ITIH5: variants seen among roughly 807,000 people sequenced by gnomAD.
ITIH5 encodes the protein inter-alpha-trypsin inhibitor heavy chain 5.
ITIH5 carries 65 observed loss-of-function variants against 77.5 expected under a neutral mutation model. That is an observed-to-expected ratio of 0.84 (90% CI 0.69 to 1.03). The LOEUF is 1.03. Among genes scored for constraint, ITIH5 ranks in the 50% least tolerant of loss-of-function variants. The pLI is 0.00. For synonymous variants in ITIH5, 525 were observed against 494.3 expected, an observed-to-expected ratio of 1.06 and a Z score of -0.82; for missense variants, 1,208 against 1,213.1, an observed-to-expected ratio of 1.00 and a Z score of 0.06.
At chr10:7,600,405 C>T in intron 7 of ITIH5, 1 of 386,986 alleles carries the variant, frequency 2.6e-6, no homozygotes, top group Non-Finnish European at 5.1e-6. Context: ...TCAAAGTGAC[C>T]ACAACTGTCT....
At chr10:7,611,809 C>T (rs569491288) in intron 7 of ITIH5, among the ~76,000 whole-genome samples, 2 of 151,732 alleles carry the variant, frequency 1.3e-5, no homozygotes, top group Admixed American at 6.6e-5. Context: ...CTAAAGTTAC[C>T]GATTTTCCCC....
intron 5 of ITIH5, among the ~76,000 whole-genome samples, chr10:7,627,310 A>C (rs1187831241): frequency 7.6e-5 from 11 of 145,152 alleles, no homozygotes; most frequent in African/African-American, 2.8e-4. Context: ...AAAGAAAAAA[A>C]AGAAAATAAG....
chr10:7,660,337 G>A (rs1414523787), intron 1 of ITIH5, among the ~76,000 whole-genome samples: 2 of 152,160 alleles, frequency 1.3e-5, no homozygotes, highest in South Asian at 2.1e-4. Context: ...GTCTTGGAGT[G>A]GGATGAAAGG....
chr10:7,655,721 A>G, intron 1 of ITIH5, 46 bp from the exon 2 acceptor site: 6 of 1,430,968 alleles, frequency 4.2e-6, no homozygotes, highest in Non-Finnish European at 5.9e-6. Context: ...TTAAAAGAGA[A>G]GAGACATGAA....
rs187983802 is a variant in ITIH5, at chr10:7,603,203, C to A, written c.939+12779G>T. Reference sequence around the variant, plus strand: ...CGTGGTATATCCATCTAATGAAATACTATTCAGCAATAAAAAAGAATGAAG... The same window carrying A: ...CGTGGTATATCCATCTAATGAAATAATATTCAGCAATAAAAAAGAATGAAG... On this transcript the variant is annotated intron_variant, in intron 7 of 13. Transcript: ENST00000397146. Among the ~76,000 whole-genome samples the A allele has an allele frequency of 5.8e-3, 876 of 152,290 alleles. 6 individuals are homozygous for A. Among genetic ancestry groups the A allele is most frequent in the Middle Eastern group, 0.02 (6 of 294 alleles).
At chr10:7,653,331 C>T (rs1028765600) in intron 2 of ITIH5, among the ~76,000 whole-genome samples, 9 of 152,040 alleles carry the variant, frequency 5.9e-5, no homozygotes, top group Non-Finnish European at 7.4e-5. Flanking sequence ...CTCAGCCTCC[C>T]GAGTAGCTGG....
At chr10:7,659,610 C>CTGATTGATCTAAAGTATTT (rs1834243769) in intron 1 of ITIH5, among the ~76,000 whole-genome samples, 1 of 152,074 alleles carries the variant, frequency 6.6e-6, no homozygotes, top group African/African-American at 2.4e-5. Context: ...ATTAAGTTCC[C>CTGATTGATCTAAAGTATTT]TGATTGATCT....
chr10:7,582,192 A>G (rs1832579739), intron 8 of ITIH5, among the ~76,000 whole-genome samples: 1 of 152,126 alleles, frequency 6.6e-6, no homozygotes, highest in Non-Finnish European at 1.5e-5. Context: ...TCTTAAATTT[A>G]CTACTTTATG....
At chr10:7,640,921 A>G (rs1014242399) in intron 3 of ITIH5, 66 bp from the exon 4 acceptor site, 12 of 1,039,438 alleles carry the variant, frequency 1.2e-5, no homozygotes, top group Non-Finnish European at 1.7e-5. Flanking sequence ...CATGGATCTT[A>G]TAACCATGAC....
chr10:7,589,701 C>T (rs1832754237), intron 7 of ITIH5, among the ~76,000 whole-genome samples: 2 of 151,948 alleles, frequency 1.3e-5, no homozygotes, highest in Non-Finnish European at 2.9e-5. Flanking sequence ...GAGGGGCTGA[C>T]TGCAGCGGTT....
intron 5 of ITIH5, among the ~76,000 whole-genome samples, chr10:7,632,876 A>T (rs1187476700): frequency 1.3e-5 from 2 of 152,202 alleles, no homozygotes; most frequent in Admixed American, 6.5e-5. Context: ...GTCATTGGGG[A>T]TCTTGTCATA....
At chr10:7,624,823 A>ATG (rs1201698809) in intron 5 of ITIH5, among the ~76,000 whole-genome samples, 1 of 136,296 alleles carries the variant, frequency 7.3e-6, no homozygotes, top group Non-Finnish European at 1.5e-5. Context: ...ACACATATAT[A>ATG]TGTGTATATA....
rs551261803 is a variant in ITIH5, at chr10:7,569,287, G to A, written c.2149+381C>T. 123 of 155,602 alleles carry A rather than the reference G, an allele frequency of 7.9e-4. 1 individual carries two copies. The highest frequency in any genetic ancestry group is 1.5e-3 in the Admixed American group (24 of 15,518). 9.6% of individuals were successfully genotyped at this position (155,602 alleles called of 1,614,324 possible). ...ACCTGCCTCGGCCTCCCAAAGTGCTGGGATTACAGGCATGAGCCACCGCGC... is the reference window on the plus strand; with the variant it reads ...ACCTGCCTCGGCCTCCCAAAGTGCTAGGATTACAGGCATGAGCCACCGCGC... On this transcript the variant is annotated intron_variant, in intron 12 of 13. Transcript: ENST00000397146.
At position 7,563,363 on chromosome 10, in the gene ITIH5, G is replaced by C. The variant is rs1832076670; in HGVS notation, c.2549C>G (p.Ala850Gly). ...GLLGQFLNQD[A>G]RLTEDPAGPS... ...CCCTGCAGGGTCTTCTGTGAGTCTG[G>C]CATCCTGATTCAGGAACTGACCTGG... Residue 850 changes from alanine to glycine, a missense_variant, in exon 14 of 14, where the codon GCC becomes GGC. Coordinates refer to ENST00000397146, the MANE Select transcript of ITIH5 (RefSeq NM_030569.7). The C allele has an allele frequency of 6.2e-7, 1 of 1,612,980 alleles. No homozygotes were observed. The highest frequency in any genetic ancestry group is 8.5e-7 in the Non-Finnish European group (1 of 1,179,110).
intron 5 of ITIH5, among the ~76,000 whole-genome samples, chr10:7,623,416 G>T (rs1407376807): frequency 6.6e-6 from 1 of 152,174 alleles, no homozygotes; most frequent in Non-Finnish European, 1.5e-5. Flanking sequence ...CCCTCTGAGG[G>T]TGGCAATAAA....
intron 7 of ITIH5, among the ~76,000 whole-genome samples, chr10:7,612,693 C>T (rs975462928): frequency 2.7e-5 from 4 of 146,630 alleles, no homozygotes; most frequent in Admixed American, 6.8e-5. Flanking sequence ...AAAGAAAGAA[C>T]ATCTGAAGAT....
chr10:7,648,243 CAAA>C (rs5782993), intron 2 of ITIH5, among the ~76,000 whole-genome samples: 3 of 135,690 alleles, frequency 2.2e-5, no homozygotes, highest in African/African-American at 5.3e-5. Context: ...GACTCTGTCT[CAAA>C]AAAAAAAAAA....
intron 8 of ITIH5, among the ~76,000 whole-genome samples, chr10:7,581,362 A>G (rs544461923): frequency 2.6e-5 from 4 of 152,236 alleles, no homozygotes; most frequent in African/African-American, 7.2e-5. Context: ...TAGAAAAACC[A>G]TACGAAACAG....
intron 5 of ITIH5, among the ~76,000 whole-genome samples, chr10:7,624,201 T>C (rs570123892): frequency 3.9e-5 from 6 of 152,264 alleles, no homozygotes; most frequent in African/African-American, 1.4e-4. Flanking sequence ...TTCTAAAAGT[T>C]AACCCTTAAA....
Sources: allele counts gnomAD v4.1 joint callset (sites outside exome capture counted in the v4.1 genomes callset), GRCh38; gene constraint gnomAD v4.1.1; transcripts MANE v1.5; gene names NCBI Gene and HGNC (gene_info 2026-07-23, HGNC 2026-07-21).